Variants in EPSTI1 observed in about 807,000 individuals in gnomAD.
The protein encoded by EPSTI1 is epithelial stromal interaction 1.
A neutral mutation model predicts 49.9 loss-of-function variants in EPSTI1; 66 were observed. The ratio of observed to expected loss-of-function variants is 1.32; its 90% confidence interval spans 1.08 to 1.62. The LOEUF (loss-of-function observed/expected upper bound fraction) is 1.62. Ranked by LOEUF, EPSTI1 falls within the 40% of genes most tolerant of loss-of-function variation. The probability of loss-of-function intolerance (pLI) is 0.00; values close to 1 mark genes in which losing one functional copy is unlikely to be tolerated. For missense variants in EPSTI1, 394 were observed against 365.5 expected, an observed-to-expected ratio of 1.08 and a Z score of -0.64; for synonymous variants, 137 against 130.7, an observed-to-expected ratio of 1.05 and a Z score of -0.33.
At chr13:42,918,566 C>T (rs759801886) in intron 7 of EPSTI1, among the ~76,000 whole-genome samples, 1 of 152,200 alleles carries the variant, frequency 6.6e-6, no homozygotes, top group Non-Finnish European at 1.5e-5. Flanking sequence ...TCAAGCACTT[C>T]TTAGTTCATT....
chr13:42,889,680 C>T (rs1340169418), intron 10 of EPSTI1, among the ~76,000 whole-genome samples: 1 of 151,958 alleles, frequency 6.6e-6, no homozygotes, highest in Non-Finnish European at 1.5e-5. Context: ...TAATTTTGTC[C>T]ACTTGTTATT....
intron 5 of EPSTI1, among the ~76,000 whole-genome samples, chr13:42,959,994 A>G (rs12876750): frequency 0.18 from 26,361 of 147,696 alleles, 2,461 homozygotes; most frequent in South Asian, 0.26. Context: ...TAGGTATTAT[A>G]AATAATCTAG....
intron 9 of EPSTI1, among the ~76,000 whole-genome samples, chr13:42,895,536 T>C (rs1444242492): frequency 6.6e-6 from 1 of 152,184 alleles, no homozygotes; most frequent in Non-Finnish European, 1.5e-5. Context: ...GTCCTTCCTA[T>C]ATTCCCTGCA....
At chr13:42,933,205 G>T (rs1465302050) in intron 6 of EPSTI1, among the ~76,000 whole-genome samples, 1 of 151,090 alleles carries the variant, frequency 6.6e-6, no homozygotes, top group Non-Finnish European at 1.5e-5. Flanking sequence ...ATTGTACTAT[G>T]GTTGTATAAG....
At chr13:42,970,980 A>C (rs2039753400) in intron 1 of EPSTI1, among the ~76,000 whole-genome samples, 1 of 152,196 alleles carries the variant, frequency 6.6e-6, no homozygotes. Flanking sequence ...AAATTCCTTT[A>C]AGATGGCTTT....
chr13:42,900,463 A>C, intron 8 of EPSTI1, 80 bp from the exon 9 acceptor site: 1 of 1,313,902 alleles, frequency 7.6e-7, no homozygotes, highest in Non-Finnish European at 1.1e-6. Flanking sequence ...TTACATATTT[A>C]AACCTCAACT....
chr13:42,969,111 A>G lies in EPSTI1; in HGVS notation c.314T>C (p.Leu105Pro), dbSNP rs1004498186. 6.2e-7 allele frequency: 1 copy of G among 1,614,044 alleles called. No homozygotes were observed. The highest frequency in any genetic ancestry group is 1.3e-5 in the African/African-American group (1 of 74,928). ...TTGCTTACCTAGCCGTCTGGGCACCAGGTGAACCGGTTTAGCTCTGTTCTG... is the reference window on the plus strand; with the variant it reads ...TTGCTTACCTAGCCGTCTGGGCACCGGGTGAACCGGTTTAGCTCTGTTCTG... Reference protein sequence around the residue: ...KEQNRAKPVHLVPRRLGGSQS... With the variant: ...KEQNRAKPVHPVPRRLGGSQS... The change falls in exon 3 of 11, where the codon CTG (leucine) becomes CCG (proline). Residue 105 changes from leucine to proline, a missense_variant. Leu to Pro is a moderately conservative substitution (Grantham distance 98). Transcript: ENST00000313624.
intron 1 of EPSTI1, among the ~76,000 whole-genome samples, chr13:42,971,910 C>T (rs1387049666): frequency 6.6e-6 from 1 of 152,216 alleles, no homozygotes; most frequent in Non-Finnish European, 1.5e-5. Context: ...TGTAGCCTAG[C>T]ATGCATACAA....
chr13:42,890,296 CTTTT>C (rs71202241), intron 10 of EPSTI1, among the ~76,000 whole-genome samples: 3 of 116,284 alleles, frequency 2.6e-5, no homozygotes, highest in African/African-American at 9.3e-5. Context: ...TTTTTCTTTT[CTTTT>C]TTTTTTTTTT....
chr13:42,905,392 C>T (rs935151777), intron 8 of EPSTI1, among the ~76,000 whole-genome samples: 2 of 152,066 alleles, frequency 1.3e-5, no homozygotes, highest in African/African-American at 4.8e-5. Flanking sequence ...GGTTTTTCTT[C>T]CGTACTAAGA....
At chr13:42,929,282 A>G (rs2038285459) in intron 6 of EPSTI1, among the ~76,000 whole-genome samples, 1 of 152,234 alleles carries the variant, frequency 6.6e-6, no homozygotes, top group African/African-American at 2.4e-5. Context: ...AGTACCAAAC[A>G]TCATCTCCTC....
chr13:42,889,760 T>G (rs977925262), intron 10 of EPSTI1, among the ~76,000 whole-genome samples: 2 of 152,244 alleles, frequency 1.3e-5, no homozygotes, highest in Non-Finnish European at 2.9e-5. Flanking sequence ...TATTCTTTTA[T>G]GAACAGATGT....
chr13:42,908,168 T>C (rs2037552022), intron 8 of EPSTI1, among the ~76,000 whole-genome samples: 1 of 152,164 alleles, frequency 6.6e-6, no homozygotes, highest in Non-Finnish European at 1.5e-5. Flanking sequence ...ATGTAAAACC[T>C]GAAACTAGGA....
chr13:42,957,812 C>T (rs772043523), intron 5 of EPSTI1, among the ~76,000 whole-genome samples: 1 of 152,196 alleles, frequency 6.6e-6, no homozygotes, highest in Non-Finnish European at 1.5e-5. Flanking sequence ...TGGGATCAAG[C>T]AATTGGCCCG....
intron 1 of EPSTI1, among the ~76,000 whole-genome samples, chr13:42,982,754 C>G (rs2040007766): frequency 6.6e-6 from 1 of 151,938 alleles, no homozygotes; most frequent in Non-Finnish European, 1.5e-5. Context: ...AGGAAAGCCT[C>G]TCTGACCTTC....
At chr13:42,959,755 G>A (rs2039388147) in intron 5 of EPSTI1, among the ~76,000 whole-genome samples, 1 of 152,170 alleles carries the variant, frequency 6.6e-6, no homozygotes, top group South Asian at 2.1e-4. Flanking sequence ...CTGGTTTCCT[G>A]AATTCTCTGA....
intron 6 of EPSTI1, among the ~76,000 whole-genome samples, chr13:42,939,498 A>G (rs1304454915): frequency 6.6e-6 from 1 of 152,206 alleles, no homozygotes; most frequent in Non-Finnish European, 1.5e-5. Flanking sequence ...GCCTAATTTC[A>G]GTATTGTTGT....
intron 7 of EPSTI1, among the ~76,000 whole-genome samples, chr13:42,921,649 T>C (rs2037998155): frequency 1.3e-5 from 2 of 152,128 alleles, no homozygotes; most frequent in Admixed American, 1.3e-4. Context: ...CCCGGGGAGC[T>C]TTTTTAAACC....
rs551794436 is a variant in EPSTI1 at position 42,895,046 on chromosome 13, G to C, written c.878C>G (p.Ser293Cys). The change falls in exon 10 of 11, where the codon TCT (serine) becomes TGT (cysteine). Residue 293 changes from serine (S) to cysteine (C), a missense_variant. Physicochemically the swap from Ser to Cys is moderately radical, Grantham distance 112 (BLOSUM62 -1). Transcript: ENST00000313624. ...GCTATTCATATTCCAACAGCCTCCA[G>C]ATTGCTCGAGGCCACCTGGTTGACT... Reference protein sequence around the residue: ...GKSQPGGLEQSGGCWNMNSGN... With the variant: ...GKSQPGGLEQCGGCWNMNSGN... 1.2e-6 allele frequency: 2 copies of C among 1,613,528 alleles called. 1 individual carries two copies. The highest frequency in any genetic ancestry group is 2.2e-5 in the South Asian group (2 of 90,884).
Sources: allele counts gnomAD v4.1 joint callset (sites outside exome capture counted in the v4.1 genomes callset), GRCh38; gene constraint gnomAD v4.1.1; transcripts MANE v1.5; gene names NCBI Gene and HGNC (gene_info 2026-07-23, HGNC 2026-07-21).